Variants in RNF14 observed in about 807,000 individuals in gnomAD.
RNF14 encodes the protein ring finger protein 14.
In RNF14, 26 loss-of-function variants were observed where a neutral mutation model predicts 52.6. The ratio of observed to expected loss-of-function variants is 0.49; its 90% CI spans 0.36 to 0.69. The LOEUF is 0.69. RNF14 is among the 30% of genes least tolerant of loss of function. RNF14 has a pLI of 0.00. For missense variants in RNF14, 404 were observed against 560.4 expected (o/e 0.72, Z 2.82); for synonymous variants, 194 against 202.0 (o/e 0.96, Z 0.34).
intron 6 of RNF14, among the ~76,000 whole-genome samples, chr5:141,981,090 G>A (rs1454225587): frequency 6.6e-6 from 1 of 152,108 alleles, no homozygotes; most frequent in African/African-American, 2.4e-5. Flanking sequence ...AGACTAACAG[G>A]GATAATGATA....
At chr5:141,983,650 A>G in intron 7 of RNF14, 98 bp downstream of exon 7, 1 of 1,019,482 alleles carries the variant, frequency 9.8e-7, no homozygotes, top group South Asian at 1.8e-5. Flanking sequence ...CTTACAAAAC[A>G]CATGCTGGTA....
upstream of RNF14, chr5:141,957,585 G>C: frequency 6.2e-7 from 1 of 1,614,198 alleles, no homozygotes; most frequent in South Asian, 1.1e-5. This position sits in a 1 kb window ranked among gnomAD's most constrained non-coding sequence, Gnocchi z 4.3. Flanking sequence ...CCAGCCGCCT[G>C]CCTGTGCTGA....
rs945390084 is a variant in RNF14, at chr5:141,989,258, A to G, written c.*1468A>G. 8.5e-5 allele frequency: 13 copies of G among 152,332 alleles called. No individual in the cohort carries two copies. The highest frequency in any genetic ancestry group is 2.9e-4 in the African/African-American group (12 of 41,448). The allele number at this position is 152,332 out of a possible 1,614,324, so 9.4% of individuals were successfully genotyped here. ...ATTTTAAAACTGTTCGGCATATAAC[A>G]TATTCTTAAAGTAAGAAAAAAAAGG... On this transcript the variant is annotated 3_prime_UTR_variant, in exon 9 of 9. Transcript: ENST00000394520.
intron 4 of RNF14, among the ~76,000 whole-genome samples, chr5:141,976,868 A>C (rs1754316396): frequency 6.9e-6 from 1 of 145,536 alleles, no homozygotes; most frequent in African/African-American, 2.6e-5. Flanking sequence ...AGCTCACTAC[A>C]ACCTCTGCCT....
chr5:141,969,306 C>T (rs532549402), intron 1 of RNF14, 139 bp downstream of exon 1: 5 of 152,690 alleles, frequency 3.3e-5, no homozygotes, highest in Admixed American at 2.0e-4. Context: ...CACTGGGCCT[C>T]AGTCCCTCAA....
At chr5:141,974,514 T>C (rs1403838143) in intron 3 of RNF14, among the ~76,000 whole-genome samples, 2 of 152,186 alleles carry the variant, frequency 1.3e-5, no homozygotes, top group Non-Finnish European at 2.9e-5. Flanking sequence ...AAAACAAACA[T>C]TGTGTGTTCC....
the RNF14 span, chr5:141,949,588 A>C: frequency 1.2e-6 from 2 of 1,612,778 alleles, no homozygotes; most frequent in Middle Eastern, 1.7e-4. Flanking sequence ...GCACTCCTGC[A>C]AAAGAAACCA....
chr5:141,981,658 G>C (rs1754787831), intron 6 of RNF14: 3 of 151,816 alleles, frequency 2.0e-5, no homozygotes, highest in African/African-American at 7.3e-5. Flanking sequence ...GAGTCCAAGA[G>C]TTTGACACTA....
upstream of RNF14, chr5:141,955,289 G>A (rs1048025807): frequency 1.2e-6 from 2 of 1,614,212 alleles, no homozygotes; most frequent in Non-Finnish European, 1.7e-6. This position sits in a 1 kb window ranked among gnomAD's most constrained non-coding sequence, Gnocchi z 5.5. Flanking sequence ...GCATTCCTCT[G>A]CCTGGGATGG....
chr5:141,957,478 A>G, upstream of RNF14: 1 of 1,613,392 alleles, frequency 6.2e-7, no homozygotes, highest in South Asian at 1.1e-5. The surrounding 1 kb of genome is among the most constrained non-coding windows in gnomAD (Gnocchi z 4.3). Flanking sequence ...GATGTCCAGC[A>G]CTTGGATCTC....
At chr5:141,962,526 G>C (rs1753282580), upstream of RNF14, among the ~76,000 whole-genome samples, 1 of 152,174 alleles carries the variant, frequency 6.6e-6, no homozygotes, top group Non-Finnish European at 1.5e-5. Flanking sequence ...GGAAAGAGAG[G>C]CTAAGTTGAT....
chr5:141,969,892 C>G (rs910535617), intron 1 of RNF14, among the ~76,000 whole-genome samples: 1 of 152,192 alleles, frequency 6.6e-6, no homozygotes, highest in Non-Finnish European at 1.5e-5. Flanking sequence ...TCTCTCATCC[C>G]ATTTGCAAAT....
chr5:141,983,520 A>G lies in RNF14; in HGVS notation c.1204A>G (p.Lys402Glu). The G allele has an allele frequency of 1.2e-6, 2 of 1,612,250 alleles. No individual in the cohort carries two copies. Among genetic ancestry groups the G allele is most frequent in the South Asian group, 1.1e-5 (1 of 90,950 alleles). Residue 402 changes from lysine to glutamate, a missense_variant, in exon 7 of 9, where the codon AAG becomes GAG. By Grantham distance (56) the Lys-to-Glu change is moderately conservative. Coordinates refer to ENST00000394520, the MANE Select transcript of RNF14 (RefSeq NM_004290.5). ...ESKEWLEKNS[K>E]SCPCCGTPIE... ...TAAGGAGTGGCTAGAGAAGAACTCA[A>G]AGAGCTGCCCATGTTGTGGAACTCC...
intron 7 of RNF14, 99 bp downstream of exon 7, chr5:141,983,651 C>T: frequency 9.9e-7 from 1 of 1,014,604 alleles, no homozygotes; most frequent in Non-Finnish European, 1.4e-6. Context: ...TTACAAAACA[C>T]ATGCTGGTAT....
chr5:141,972,374 C>G (rs1175211084), intron 2 of RNF14, among the ~76,000 whole-genome samples: 2 of 151,898 alleles, frequency 1.3e-5, no homozygotes, highest in African/African-American at 4.8e-5. Flanking sequence ...GGACCACAGG[C>G]AAGCACCACC....
chr5:141,949,690 C>T, the RNF14 span: 2 of 1,369,448 alleles, frequency 1.5e-6, no homozygotes, highest in Non-Finnish European at 2.0e-6. Flanking sequence ...GAACTGGATA[C>T]ACAGCCTGGC....
the RNF14 span, among the ~76,000 whole-genome samples, chr5:141,951,985 T>C: frequency 6.6e-6 from 1 of 152,266 alleles, no homozygotes. Flanking sequence ...TATTTGGACA[T>C]TCGGCCAATT....
chr5:141,949,898 CATTG>C, the RNF14 span, among the ~76,000 whole-genome samples: 3 of 152,192 alleles, frequency 2.0e-5, no homozygotes, highest in Admixed American at 6.5e-5. Context: ...AAGATGAGTT[CATTG>C]ATATCATTCT....
intron 7 of RNF14, among the ~76,000 whole-genome samples, chr5:141,984,541 T>C (rs1355052440): frequency 6.6e-6 from 1 of 152,254 alleles, no homozygotes; most frequent in Non-Finnish European, 1.5e-5. Flanking sequence ...TTTCCAGTTA[T>C]ACTTGTGTGA....
Sources: gnomAD v4.1 joint callset for allele counts (sites outside exome capture counted in the v4.1 genomes callset) on GRCh38, gnomAD v4.1.1 for gene constraint, Gnocchi (gnomAD v3.1) non-coding constraint, MANE v1.5 for transcripts, NCBI Gene and HGNC (gene_info 2026-07-23, HGNC 2026-07-21) for gene names.